FAT3: variants seen among roughly 807,000 people sequenced by gnomAD.
FAT3 encodes FAT atypical cadherin 3, also known as protocadherin Fat 3.
In FAT3, 95 loss-of-function variants were observed where a neutral mutation model predicts 310.2. The observed-to-expected ratio is 0.31, with a 90% confidence interval of 0.26 to 0.36. The LOEUF is 0.36. Among genes scored for constraint, FAT3 ranks in the 10% least tolerant of loss-of-function variants. FAT3 has a pLI of 1.00. For synonymous variants in FAT3, 2,314 were observed against 2,192.9 expected (o/e 1.06, Z -1.54); for missense variants, 5,408 against 5,715.6 (o/e 0.95, Z 1.74).
At chr11:92,676,379 G>A (rs1943288573) in intron 3 of FAT3, among the ~76,000 whole-genome samples, 1 of 152,140 alleles carries the variant, frequency 6.6e-6, no homozygotes, top group Non-Finnish European at 1.5e-5. Context: ...AATAGAGTCT[G>A]CTCAGTGTCA....
intron 3 of FAT3, among the ~76,000 whole-genome samples, chr11:92,574,290 A>T (rs1211148654): frequency 6.6e-6 from 1 of 152,088 alleles, no homozygotes; most frequent in Non-Finnish European, 1.5e-5. Flanking sequence ...CCCCACACCA[A>T]ACATACAAGA....
chr11:92,256,831 C>T (rs781746697), intron 1 of FAT3, among the ~76,000 whole-genome samples: 2 of 152,002 alleles, frequency 1.3e-5, no homozygotes, highest in African/African-American at 2.4e-5. Flanking sequence ...GATTATATAG[C>T]GAATAAGTTG....
chr11:92,747,886 T>C (rs988643009), intron 4 of FAT3, among the ~76,000 whole-genome samples: 1 of 152,218 alleles, frequency 6.6e-6, no homozygotes, highest in South Asian at 2.1e-4. Context: ...CCATCAGCAT[T>C]TTGGTCAAAC....
At chr11:92,339,403 T>C (rs914313358) in intron 1 of FAT3, among the ~76,000 whole-genome samples, 15 of 152,174 alleles carry the variant, frequency 9.9e-5, no homozygotes, top group African/African-American at 2.4e-4. Flanking sequence ...ACAACAAATA[T>C]TTATTGAGCA....
intron 13 of FAT3, among the ~76,000 whole-genome samples, chr11:92,828,633 A>G (rs866088372): frequency 1.3e-5 from 2 of 152,098 alleles, no homozygotes; most frequent in South Asian, 4.1e-4. Context: ...TGCAGGGGGA[A>G]GGGATGGTTT....
chr11:92,496,504 C>G (rs1952769257), intron 2 of FAT3, among the ~76,000 whole-genome samples: 1 of 152,010 alleles, frequency 6.6e-6, no homozygotes, highest in Non-Finnish European at 1.5e-5. Context: ...GGGACATTCA[C>G]ACATGCCCAA....
At chr11:92,453,356 TGGTTGATTCCCCTTTCTTTGA>T (rs1407618121) in intron 2 of FAT3, among the ~76,000 whole-genome samples, 1 of 152,178 alleles carries the variant, frequency 6.6e-6, no homozygotes, top group Admixed American at 6.5e-5. Context: ...CCAAGCAAAA[TGGTTGATTCCCCTTTCTTTGA>T]GTCTTTTCCT....
intron 3 of FAT3, among the ~76,000 whole-genome samples, chr11:92,580,814 C>T (rs772053200): frequency 6.6e-6 from 1 of 152,026 alleles, no homozygotes; most frequent in African/African-American, 2.4e-5. Context: ...AATTCCTGCC[C>T]CAGCCACCTC....
At chr11:92,685,706 G>T (rs913540338) in intron 3 of FAT3, among the ~76,000 whole-genome samples, 2 of 151,806 alleles carry the variant, frequency 1.3e-5, no homozygotes, top group East Asian at 3.9e-4. Context: ...ACAATGAGTA[G>T]CCTGGGCTCT....
chr11:92,771,085 C>T (rs1054951996), intron 6 of FAT3, among the ~76,000 whole-genome samples: 28 of 152,116 alleles, frequency 1.8e-4, no homozygotes, highest in Middle Eastern at 3.2e-3. Flanking sequence ...CCTGCAGCAA[C>T]GCTCAGGCTG....
At chr11:92,767,941 C>A (rs775289541) in intron 6 of FAT3, among the ~76,000 whole-genome samples, 2 of 152,080 alleles carry the variant, frequency 1.3e-5, no homozygotes, top group Non-Finnish European at 2.9e-5. Context: ...CACTGTGCTA[C>A]TGGCCACGGC....
At chr11:92,838,876 T>A (rs1948469008) in intron 17 of FAT3, among the ~76,000 whole-genome samples, 1 of 152,208 alleles carries the variant, frequency 6.6e-6, no homozygotes, top group Non-Finnish European at 1.5e-5. Context: ...CCCACCCCTT[T>A]GTCAGCGAAA....
At chr11:92,785,106 G>T (rs1428387484) in intron 7 of FAT3, among the ~76,000 whole-genome samples, 1 of 151,990 alleles carries the variant, frequency 6.6e-6, no homozygotes, top group African/African-American at 2.4e-5. Context: ...AGCTGACTCT[G>T]AATGGCAAGT....
intron 3 of FAT3, among the ~76,000 whole-genome samples, chr11:92,668,226 G>A (rs769788011): frequency 6.6e-6 from 1 of 152,180 alleles, no homozygotes; most frequent in Non-Finnish European, 1.5e-5. Context: ...TCAGGATAGT[G>A]GTTGGCCAAA....
intron 3 of FAT3, among the ~76,000 whole-genome samples, chr11:92,677,437 T>C (rs1019092632): frequency 2.0e-5 from 3 of 152,236 alleles, no homozygotes; most frequent in Admixed American, 2.0e-4. Flanking sequence ...TGAGATTAGA[T>C]ATTTTAACCT....
rs144441693 is a variant in FAT3, at chr11:92,571,006, T to G, written c.3607+46058T>G. Among the ~76,000 whole-genome samples, 4 of 152,298 alleles carry G rather than the reference T, an allele frequency of 2.6e-5. No homozygotes were observed. The East Asian group carries it at 7.7e-4, about 29-fold the overall frequency. ...GTGGTCAGTAAAAGTTATTACCATT[T>G]TATGATTATTCTGTACCAAAGACCG... is the stretch of plus-strand genomic sequence containing the variant. On this transcript the variant is annotated intron_variant, in intron 3 of 27. Transcript: ENST00000525166.
intron 6 of FAT3, among the ~76,000 whole-genome samples, chr11:92,767,475 A>C (rs1946343665): frequency 6.6e-6 from 1 of 152,006 alleles, no homozygotes; most frequent in Non-Finnish European, 1.5e-5. Context: ...CCCGTAGTAC[A>C]TCCCACCTAC....
intron 1 of FAT3, among the ~76,000 whole-genome samples, chr11:92,341,354 G>GTAGTCCCC (rs1448966244): frequency 2.0e-5 from 3 of 152,102 alleles, no homozygotes; most frequent in African/African-American, 7.2e-5. Flanking sequence ...GACTCTGTGG[G>GTAGTCCCC]TAGTCCCCTG....
chr11:92,804,578 C>G (rs1316228427), intron 10 of FAT3, among the ~76,000 whole-genome samples: 1 of 152,182 alleles, frequency 6.6e-6, no homozygotes, highest in Non-Finnish European at 1.5e-5. Flanking sequence ...TATCTTTGAA[C>G]TGCTTTTTAA....
Sources: allele counts gnomAD v4.1 joint callset (sites outside exome capture counted in the v4.1 genomes callset), GRCh38; gene constraint gnomAD v4.1.1; transcripts MANE v1.5; gene names NCBI Gene and HGNC (gene_info 2026-07-23, HGNC 2026-07-21).